The following ZNF540 variants were observed in gnomAD, a reference collection of about 807,000 sequenced individuals.
The protein encoded by ZNF540 is zinc finger protein 540, also known as CTD-3064H18.6.
Under a neutral mutation model 11.8 loss-of-function variants are expected in ZNF540, and 3 were observed. The observed-to-expected ratio is 0.25, with a 90% CI of 0.12 to 0.65. The LOEUF (loss-of-function observed/expected upper bound fraction) is 0.65. Ranked by LOEUF, ZNF540 falls within the 30% of genes least tolerant of loss-of-function variation. ZNF540 has a pLI of 0.83. For synonymous variants in ZNF540, 247 were observed against 259.0 expected, an observed-to-expected ratio of 0.95 and a Z score of 0.45; for missense variants, 709 against 793.1, an observed-to-expected ratio of 0.89 and a Z score of 1.27.
intron 1 of ZNF540, chr19:37,563,802 CA>C (rs1945992487): frequency 1.2e-4 from 10 of 83,578 alleles, no homozygotes; most frequent in Non-Finnish European, 3.2e-4. Context: ...TCCACATACA[CA>C]CATGTGGAAT....
chr19:37,590,637 A>G (rs2043842051), upstream of ZNF540, among the ~76,000 whole-genome samples: 1 of 152,220 alleles, frequency 6.6e-6, no homozygotes. Flanking sequence ...TCAGAAGTAT[A>G]TATGTAGAGA....
chr19:37,593,424 C>A (rs2043924709), upstream of ZNF540, among the ~76,000 whole-genome samples: 1 of 152,174 alleles, frequency 6.6e-6, no homozygotes, highest in Admixed American at 6.5e-5. Flanking sequence ...TTAGACCAGG[C>A]CAGGCGCGGT....
chr19:37,552,276 CA>C (rs2042613780), intron 1 of ZNF540, among the ~76,000 whole-genome samples: 1 of 152,134 alleles, frequency 6.6e-6, no homozygotes, highest in African/African-American at 2.4e-5. Flanking sequence ...AATATATTGA[CA>C]ATTTATGGCT....
chr19:37,612,290 G>C lies in ZNF540; in HGVS notation c.1010G>C (p.Ser337Thr), dbSNP rs141167369. ...YECKECGKAFSVCGQLTRHQK... is the reference protein window; with the variant it reads ...YECKECGKAFTVCGQLTRHQK... ...TGTAAGGAGTGTGGGAAAGCTTTTAGTGTATGCGGACAACTTACCCGTCAT... is the reference window on the plus strand; with the variant it reads ...TGTAAGGAGTGTGGGAAAGCTTTTACTGTATGCGGACAACTTACCCGTCAT... The change falls in exon 5 of 5, where the codon AGT (serine) becomes ACT (threonine). Residue 337 changes from serine to threonine, a missense_variant. Ser to Thr is a moderately conservative substitution (Grantham distance 58). Coordinates refer to ENST00000316433, the MANE Select transcript of ZNF540 (RefSeq NM_001172225.3). 6.2e-7 allele frequency: 1 copy of C among 1,613,612 alleles called. No homozygotes were observed. Among genetic ancestry groups the C allele is most frequent in the African/African-American group, 1.3e-5 (1 of 74,786 alleles).
At chr19:37,586,893 A>C (rs2043692632) in intron 1 of ZNF540, 1 of 592,956 alleles carries the variant, frequency 1.7e-6, no homozygotes, top group East Asian at 2.9e-5. Flanking sequence ...CTACTGCAGA[A>C]GGGGTTCAGG....
chr19:37,607,253 CA>C (rs1041511451), intron 4 of ZNF540, among the ~76,000 whole-genome samples: 1 of 152,126 alleles, frequency 6.6e-6, no homozygotes, highest in African/African-American at 2.4e-5. Context: ...ACACCCTCCC[CA>C]ACTACCAACA....
intron 2 of ZNF540, 73 bp from the exon 3 acceptor site, chr19:37,599,553 T>G: frequency 1.3e-6 from 2 of 1,588,722 alleles, no homozygotes; most frequent in Non-Finnish European, 1.7e-6. Flanking sequence ...AATGAAACCT[T>G]TTATCTCCTT....
At chr19:37,592,687 C>T (rs1022824724), upstream of ZNF540, among the ~76,000 whole-genome samples, 3 of 152,182 alleles carry the variant, frequency 2.0e-5, no homozygotes, top group Non-Finnish European at 2.9e-5. Flanking sequence ...TACACAGCAC[C>T]AACTATGAAT....
chr19:37,573,850 GAAAAAGA>G (rs2043152313), intron 1 of ZNF540, among the ~76,000 whole-genome samples: 2 of 150,274 alleles, frequency 1.3e-5, no homozygotes, highest in South Asian at 2.1e-4. Flanking sequence ...AAAAAAGAAA[GAAAAAGA>G]AAAAAGAAAA....
chr19:37,604,226 A>AT (rs2044063372), intron 4 of ZNF540, among the ~76,000 whole-genome samples: 1 of 143,672 alleles, frequency 7.0e-6, no homozygotes, highest in African/African-American at 2.6e-5. Flanking sequence ...TTTCCTTAAA[A>AT]TTTTTTATTC....
At chr19:37,556,865 AAG>A (rs2042665489) in intron 1 of ZNF540, among the ~76,000 whole-genome samples, 1 of 152,186 alleles carries the variant, frequency 6.6e-6, no homozygotes, top group East Asian at 1.9e-4. Context: ...TTAATTTTGT[AAG>A]AGTGTTTTTT....
At chr19:37,560,034 T>C (rs1259375550) in intron 1 of ZNF540, among the ~76,000 whole-genome samples, 3 of 152,118 alleles carry the variant, frequency 2.0e-5, no homozygotes, top group Non-Finnish European at 2.9e-5. Context: ...CCCAGCACTT[T>C]GGGAGGCCAA....
At chr19:37,610,501 G>A (rs978016918) in intron 4 of ZNF540, among the ~76,000 whole-genome samples, 36 of 152,176 alleles carry the variant, frequency 2.4e-4, no homozygotes, top group African/African-American at 8.4e-4. Context: ...CCTTACAGTC[G>A]GTAGGGCAAG....
At chr19:37,551,834 G>GTT (rs1555712947) in intron 1 of ZNF540, among the ~76,000 whole-genome samples, 2 of 142,720 alleles carry the variant, frequency 1.4e-5, no homozygotes, top group African/African-American at 2.7e-5. Flanking sequence ...CTGTGTGTGT[G>GTT]GGGGGGGTGG....
At chr19:37,601,777 C>T (rs1181094769) in intron 4 of ZNF540, among the ~76,000 whole-genome samples, 9 of 152,150 alleles carry the variant, frequency 5.9e-5, no homozygotes, top group Non-Finnish European at 5.9e-5. Flanking sequence ...ATTCCAAGCA[C>T]AGCAGAGAAG....
intron 3 of ZNF540, among the ~76,000 whole-genome samples, 198 bp downstream of exon 3, chr19:37,599,950 G>C (rs1354242603): frequency 1.3e-5 from 2 of 152,172 alleles, no homozygotes; most frequent in Admixed American, 1.3e-4. Flanking sequence ...TGAGCCTCAT[G>C]AAATGTTCCT....
At chr19:37,556,671 A>T (rs1375775743) in intron 1 of ZNF540, among the ~76,000 whole-genome samples, 1 of 152,208 alleles carries the variant, frequency 6.6e-6, no homozygotes, top group Non-Finnish European at 1.5e-5. Context: ...GGGAGACTGT[A>T]GGTACTGTAA....
At chr19:37,556,124 C>T (rs753510103) in intron 1 of ZNF540, 44 of 702,542 alleles carry the variant, frequency 6.3e-5, no homozygotes, top group Non-Finnish European at 2.3e-5. Flanking sequence ...CTTTTGGGAC[C>T]GGCAGATTGT....
chr19:37,604,408 C>T (rs1197496775), intron 4 of ZNF540, among the ~76,000 whole-genome samples: 5 of 147,824 alleles, frequency 3.4e-5, no homozygotes, highest in Admixed American at 1.4e-4. Context: ...CCCGGGTTCA[C>T]GCCATTCTCC....
Sources: allele counts gnomAD v4.1 joint callset (sites outside exome capture counted in the v4.1 genomes callset), GRCh38; gene constraint gnomAD v4.1.1; transcripts MANE v1.5; gene names NCBI Gene and HGNC (gene_info 2026-07-23, HGNC 2026-07-21).